CENPE: variants seen among roughly 807,000 people sequenced by gnomAD.
CENPE encodes the protein centromere-associated protein E.
Under a neutral mutation model 336.1 loss-of-function variants are expected in CENPE, and 145 were observed. That is an observed-to-expected ratio of 0.43 (90% CI 0.38 to 0.50). The LOEUF (loss-of-function observed/expected upper bound fraction) is 0.50, where lower values mean the gene tolerates loss of function less well. CENPE is among the 20% of genes least tolerant of loss of function. CENPE has a pLI of 0.00. For missense variants in CENPE, 2,719 were observed against 3,023.3 expected (o/e 0.90, Z 2.36); for synonymous variants, 1,013 against 984.8 (o/e 1.03, Z -0.54).
intron 47 of CENPE, 105 bp downstream of exon 47, chr4:103,110,723 A>C (rs1383800467): frequency 1.4e-6 from 1 of 691,774 alleles, no homozygotes; most frequent in Non-Finnish European, 2.2e-6. Context: ...TTTCCCCATA[A>C]TGACTGAAGT....
intron 45 of CENPE, among the ~76,000 whole-genome samples, chr4:103,115,061 T>A (rs1262990975): frequency 1.3e-5 from 2 of 152,168 alleles, no homozygotes; most frequent in African/African-American, 4.8e-5. Flanking sequence ...TCAGTAACGA[T>A]AAATTATAAG....
chr4:103,135,030 T>C (rs140592107), intron 40 of CENPE, among the ~76,000 whole-genome samples: 2 of 152,336 alleles, frequency 1.3e-5, no homozygotes, highest in Non-Finnish European at 2.9e-5. Flanking sequence ...CTCCACTGAT[T>C]TGGGTAGCAG....
At position 103,181,361 on chromosome 4, in the gene CENPE, C is replaced by T; in HGVS notation, c.1059G>A (p.Met353Ile). Residue 353 changes from methionine to isoleucine, a missense_variant, in exon 12 of 49, where the codon ATG becomes ATA. Physicochemically the swap from Met to Ile is conservative, Grantham distance 10. Transcript: ENST00000265148. ...ALLKRYRKEI[M>I]DLKKQLEEVS... ...CCTCCTCTAATTGTTTTTTAAGATCCATTATTTCTTTTCTATACCTTTTCA... is the reference window on the plus strand; with the variant it reads ...CCTCCTCTAATTGTTTTTTAAGATCTATTATTTCTTTTCTATACCTTTTCA... 1 of 1,539,932 alleles carries T rather than the reference C, an allele frequency of 6.5e-7. No homozygotes were observed. Among genetic ancestry groups the T allele is most frequent in the South Asian group, 1.2e-5 (1 of 83,188 alleles).
chr4:103,141,803 G>T lies in CENPE; in HGVS notation c.5410C>A (p.Leu1804Ile), dbSNP rs2125919277. The change falls in exon 35 of 49, where the codon CTA (leucine) becomes ATA (isoleucine). Residue 1804 changes from leucine (L) to isoleucine (I), a missense_variant. This residue lies in a region of CENPE where 2,437 missense variants were observed against 2,513.3 expected (regional missense o/e 0.97). Coordinates refer to ENST00000265148, the MANE Select transcript of CENPE (RefSeq NM_001813.3). ...TCTAAATCTTTTTGCATATTTGATA[G>T]TTTATCTGTCTTCTCAGAAACAATT... is the stretch of plus-strand genomic sequence containing the variant. ...RGIVSEKTDK[L>I]SNMQKDLENS... The T allele has an allele frequency of 1.2e-5, 19 of 1,572,298 alleles. No individual in the cohort carries two copies. Among genetic ancestry groups the T allele is most frequent in the Non-Finnish European group, 1.6e-5 (18 of 1,147,202 alleles).
intron 28 of CENPE, 108 bp downstream of exon 28, chr4:103,148,736 C>A: frequency 1.0e-6 from 1 of 992,416 alleles, no homozygotes; most frequent in Non-Finnish European, 1.5e-6. Flanking sequence ...CAAATACTTA[C>A]CCAGTCAATT....
In CENPE at chr4:103,174,744, C is replaced by CT. The variant is rs751326827; in HGVS notation, c.1638dup (p.Asp547ArgfsTer9). The CT allele has an allele frequency of 8.6e-6, 13 of 1,518,290 alleles. No homozygotes were observed. Among genetic ancestry groups the CT allele is most frequent in the Non-Finnish European group, 1.1e-5 (13 of 1,134,822 alleles). The allele number at this position is 1,518,290 out of a possible 1,614,324, so 94.1% of individuals were successfully genotyped here. ...ATTTCTGTCTCTCTTACCTCTTGAT[C>CT]TTTTTTAGTTTTTCTTTCTAGAGCC... On this transcript the variant is annotated frameshift_variant, in exon 16 of 49. Transcript: ENST00000265148. LOFTEE classifies it high-confidence loss of function.
chr4:103,150,543 C>T (rs2125941324), intron 26 of CENPE, among the ~76,000 whole-genome samples: 1 of 151,990 alleles, frequency 6.6e-6, no homozygotes, highest in African/African-American at 2.4e-5. Context: ...TGTGATCATG[C>T]CACTGCACTC....
intron 44 of CENPE, among the ~76,000 whole-genome samples, chr4:103,117,431 T>TA (rs1460794269): frequency 2.0e-5 from 3 of 152,088 alleles, no homozygotes; most frequent in Non-Finnish European, 2.9e-5. Flanking sequence ...TTCACTGTCC[T>TA]AAAAAACCCC....
rs1756432528 is a variant in CENPE, at chr4:103,182,779, T to C, written c.946A>G (p.Thr316Ala). ...AAACTCACCTGGAGAGCAGTAAGTG[T>C]TTCATCAAAAGATACTGGAGTAATT... ...CTITPVSFDE[T>A]LTALQFASTA... The change falls in exon 11 of 49, where the codon ACA becomes GCA. Residue 316 changes from threonine to alanine, a missense_variant. Thr to Ala is a moderately conservative substitution (Grantham distance 58). Coordinates refer to ENST00000265148, the MANE Select transcript of CENPE (RefSeq NM_001813.3). 3 of 1,610,136 alleles carry C rather than the reference T, an allele frequency of 1.9e-6. No homozygotes were observed. Among genetic ancestry groups the C allele is most frequent in the Non-Finnish European group, 2.5e-6 (3 of 1,178,000 alleles).
intron 16 of CENPE, among the ~76,000 whole-genome samples, chr4:103,169,364 G>T (rs1755202807): frequency 6.6e-6 from 1 of 151,918 alleles, no homozygotes; most frequent in Admixed American, 6.6e-5. Flanking sequence ...CTTATTTAAA[G>T]AAATAATAGC....
intron 44 of CENPE, among the ~76,000 whole-genome samples, chr4:103,118,599 C>A (rs527956561): frequency 6.6e-6 from 1 of 152,246 alleles, no homozygotes; most frequent in East Asian, 1.9e-4. Flanking sequence ...CTTAAAAAAT[C>A]GCCAAACCCA....
intron 28 of CENPE, 135 bp downstream of exon 28, chr4:103,148,709 C>A (rs1753275058): frequency 1.3e-6 from 1 of 767,674 alleles, no homozygotes; most frequent in Non-Finnish European, 2.1e-6. Context: ...AGTGTGCCTG[C>A]CACATTAAAC....
chr4:103,110,376 T>G (rs1290916553), intron 47 of CENPE, among the ~76,000 whole-genome samples: 3 of 152,208 alleles, frequency 2.0e-5, no homozygotes, highest in Admixed American at 1.3e-4. Flanking sequence ...TTTGTAAAAT[T>G]ATTTAACGCT....
rs1292588201 is a variant in CENPE at position 103,174,762 on chromosome 4, C to T, written c.1621G>A (p.Glu541Lys). Residue 541 changes from glutamate (E) to lysine (K), a missense_variant, in exon 16 of 49, where the codon GAA becomes AAA. By Grantham distance (56) the Glu-to-Lys change is moderately conservative. Around this residue, in one of 5 missense-constraint regions of CENPE, gnomAD observed 2,437 missense variants for 2,513.3 expected, o/e 0.97. Transcript: ENST00000265148. ...TCTTGATCTTTTTTAGTTTTTCTTT[C>T]TAGAGCCTCAAATTCATCCAAATCA... ...KNDLDEFEAL[E>K]RKTKKDQEMQ... The T allele has an allele frequency of 6.5e-7, 1 of 1,536,802 alleles. No homozygotes were observed. Among genetic ancestry groups the T allele is most frequent in the East Asian group, 2.4e-5 (1 of 41,436 alleles).
intron 24 of CENPE, among the ~76,000 whole-genome samples, chr4:103,154,735 TAATTATTAAATAAAAAATTATTAG>T (rs1753832685): frequency 6.6e-6 from 1 of 152,190 alleles, no homozygotes; most frequent in South Asian, 2.1e-4. Flanking sequence ...CTAATAGATC[TAATTATTAAATAAAAAATTATTAG>T]AACCTGTGAA....
In CENPE at chr4:103,183,283, G is replaced by A. The variant is rs1756477664; in HGVS notation, c.751C>T (p.Arg251Trp). The A allele has an allele frequency of 1.9e-6, 3 of 1,608,534 alleles. No homozygotes were observed. The highest frequency in any genetic ancestry group is 1.7e-5 in the Admixed American group (1 of 59,274). The change falls in exon 10 of 49, where the codon CGG (arginine) becomes TGG (tryptophan). Residue 251 changes from arginine (R) to tryptophan (W), a missense_variant. Physicochemically the swap from Arg to Trp is moderately radical, Grantham distance 101 (BLOSUM62 -3). Transcript: ENST00000265148. ...RAAQTGAAGV[R>W]LKEGCNINRS... ...TTTATATTACAGCCTTCCTTGAGCC[G>A]CACACCTGAATTTATTAAACAAATA...
At position 103,146,125 on chromosome 4, in the gene CENPE, A is replaced by G; in HGVS notation, c.4135-18T>C. ...TCCTGGATCTTAAGAGAATCATAAA[A>G]CAGTACAGTTGATATCCAGAGATAT... On this transcript the variant is annotated intron_variant, in intron 29 of 48. Transcript: ENST00000265148. The G allele has an allele frequency of 6.2e-7, 1 of 1,605,410 alleles. No homozygotes were observed.
intron 28 of CENPE, 100 bp from the exon 29 acceptor site, chr4:103,147,746 T>A (rs1287124684): frequency 2.0e-6 from 2 of 1,005,134 alleles, no homozygotes; most frequent in Non-Finnish European, 2.9e-6. Flanking sequence ...CAGGTGGGAG[T>A]GCAGTGGCGC....
chr4:103,168,725 C>A (rs1032920333), intron 16 of CENPE, among the ~76,000 whole-genome samples: 3 of 152,136 alleles, frequency 2.0e-5, no homozygotes, highest in Non-Finnish European at 2.9e-5. Flanking sequence ...TTGATACTGA[C>A]CCCTCTCATC....
Sources: allele counts gnomAD v4.1 joint callset (sites outside exome capture counted in the v4.1 genomes callset), GRCh38; gene constraint gnomAD v4.1.1; regional missense constraint gnomAD v4.1.1; transcripts MANE v1.5; gene names NCBI Gene and HGNC (gene_info 2026-07-23, HGNC 2026-07-21).